RALGAPA2: variants seen among roughly 807,000 people sequenced by gnomAD.
RALGAPA2 encodes ral GTPase-activating protein subunit alpha-2.
RALGAPA2 carries 139 observed loss-of-function variants against 230.4 expected under a neutral mutation model. The ratio of observed to expected loss-of-function variants is 0.60; its 90% CI spans 0.53 to 0.69. RALGAPA2 has a LOEUF of 0.69. Ranked by LOEUF, RALGAPA2 falls within the 30% of genes least tolerant of loss-of-function variation. The pLI, the probability that RALGAPA2 is intolerant of heterozygous loss-of-function variation, is 0.00. For missense variants in RALGAPA2, 2,163 were observed against 2,276.0 expected, an observed-to-expected ratio of 0.95 and a Z score of 1.01; for synonymous variants, 847 against 837.8, an observed-to-expected ratio of 1.01 and a Z score of -0.19.
In RALGAPA2 at chr20:20,415,013, G is replaced by T. The variant is rs1418922816; in HGVS notation, c.5496-2865C>A. Among the ~76,000 whole-genome samples, 19 of 152,322 alleles carry T rather than the reference G, an allele frequency of 1.2e-4. No individual in the cohort carries two copies. The South Asian group carries it at 3.5e-3, about 28-fold the overall frequency. ...AGAAAACAAATATCCCCTTAGCTCT[G>T]GCAGCGTTTAGAAACAGCCAAGGAG... On this transcript the variant is annotated intron_variant, in intron 37 of 39. Transcript: ENST00000202677.
At chr20:20,639,273 A>C (rs2066953745) in intron 7 of RALGAPA2, among the ~76,000 whole-genome samples, 1 of 152,258 alleles carries the variant, frequency 6.6e-6, no homozygotes, top group South Asian at 2.1e-4. Context: ...GAATCAGTAC[A>C]TTTTATTCTA....
chr20:20,623,788 T>C (rs73292800), intron 10 of RALGAPA2, among the ~76,000 whole-genome samples: 1,695 of 152,370 alleles, frequency 0.011, 30 homozygotes, highest in African/African-American at 0.039. Flanking sequence ...GTCTTTTTAA[T>C]GTCTGGAAGT....
chr20:20,510,087 C>T (rs970975225), intron 33 of RALGAPA2, among the ~76,000 whole-genome samples: 1 of 152,038 alleles, frequency 6.6e-6, no homozygotes, highest in African/African-American at 2.4e-5. Context: ...CTAAAATAAA[C>T]AATAAAACCA....
intron 37 of RALGAPA2, among the ~76,000 whole-genome samples, chr20:20,420,273 A>G (rs2060250039): frequency 6.6e-6 from 1 of 152,180 alleles, no homozygotes; most frequent in Admixed American, 6.5e-5. Flanking sequence ...GCAAGGAAGC[A>G]ACATGATGTC....
At chr20:20,618,942 C>T (rs2066236828) in intron 12 of RALGAPA2, among the ~76,000 whole-genome samples, 1 of 152,096 alleles carries the variant, frequency 6.6e-6, no homozygotes, top group African/African-American at 2.4e-5. Context: ...CAAATTAGAG[C>T]CCAGATAACT....
chr20:20,630,839 C>A (rs2066649048), intron 9 of RALGAPA2, among the ~76,000 whole-genome samples: 1 of 152,018 alleles, frequency 6.6e-6, no homozygotes, highest in African/African-American at 2.4e-5. Context: ...GACACAGAGG[C>A]TAGATTAGGT....
At position 20,625,018 on chromosome 20, in the gene RALGAPA2, C is replaced by G. The variant is rs557547333; in HGVS notation, c.1233+4345G>C. 5.9e-5 allele frequency among the ~76,000 whole-genome samples: 9 copies of G among 152,334 alleles called. No individual in the cohort carries two copies. The South Asian group carries it at 1.9e-3, about 32-fold the overall frequency. ...GACGTCTGTCTGGTTCCACCTTCAC[C>G]TGTCTCTACCCATGCCTCCCTCCCT... is the stretch of plus-strand genomic sequence containing the variant. On this transcript the variant is annotated intron_variant, in intron 10 of 39. Transcript: ENST00000202677.
At chr20:20,564,763 A>G (rs2064360826) in intron 23 of RALGAPA2, among the ~76,000 whole-genome samples, 1 of 152,198 alleles carries the variant, frequency 6.6e-6, no homozygotes, top group Non-Finnish European at 1.5e-5. Flanking sequence ...AGTTCCCAGT[A>G]TCAGGCCTGC....
chr20:20,548,750 C>T (rs1315566390), intron 23 of RALGAPA2, among the ~76,000 whole-genome samples: 1 of 152,138 alleles, frequency 6.6e-6, no homozygotes, highest in Non-Finnish European at 1.5e-5. Context: ...ACAAAAGATC[C>T]ACCTTTTTCA....
At chr20:20,534,025 C>T (rs73290968) in intron 26 of RALGAPA2, among the ~76,000 whole-genome samples, 2,781 of 152,030 alleles carry the variant, frequency 0.018, 76 homozygotes, top group African/African-American at 0.064. Flanking sequence ...AAGACAAAAG[C>T]CTAGTCTTTG....
chr20:20,609,189 G>A (rs1390197633), intron 14 of RALGAPA2, among the ~76,000 whole-genome samples: 1 of 152,028 alleles, frequency 6.6e-6, no homozygotes, highest in Non-Finnish European at 1.5e-5. Context: ...GTAGAGACAG[G>A]GGTCTCACTC....
At chr20:20,629,228 T>C in intron 10 of RALGAPA2, 135 bp downstream of exon 10, 1 of 712,060 alleles carries the variant, frequency 1.4e-6, no homozygotes, top group Non-Finnish European at 2.4e-6. Flanking sequence ...ATTATTCAGT[T>C]CTGTAACATA....
chr20:20,436,061 T>C (rs1302180022), intron 37 of RALGAPA2, among the ~76,000 whole-genome samples: 1 of 152,168 alleles, frequency 6.6e-6, no homozygotes, highest in African/African-American at 2.4e-5. Flanking sequence ...TTTCATATGG[T>C]CTAACCCTAA....
chr20:20,579,668 C>T (rs1425672564), intron 20 of RALGAPA2, among the ~76,000 whole-genome samples: 4 of 152,078 alleles, frequency 2.6e-5, no homozygotes, highest in South Asian at 4.1e-4. Context: ...TTAAAAAAGA[C>T]GTTTTCTTCC....
chr20:20,591,566 A>AC (rs965327083), intron 16 of RALGAPA2, among the ~76,000 whole-genome samples: 5 of 152,188 alleles, frequency 3.3e-5, no homozygotes, highest in Admixed American at 2.6e-4. Context: ...AAAAAAAGCC[A>AC]CAATAAAAGG....
At chr20:20,554,994 T>C (rs1165233903) in intron 23 of RALGAPA2, among the ~76,000 whole-genome samples, 2 of 152,264 alleles carry the variant, frequency 1.3e-5, no homozygotes, top group Non-Finnish European at 2.9e-5. Flanking sequence ...TAAAAGTTTA[T>C]TGGCAAATTC....
chr20:20,424,285 C>T (rs918205388), intron 37 of RALGAPA2, among the ~76,000 whole-genome samples: 7 of 152,276 alleles, frequency 4.6e-5, no homozygotes, highest in East Asian at 1.9e-4. Flanking sequence ...CCCGTGACAC[C>T]GTCGCTCAAA....
chr20:20,511,132 G>A, intron 33 of RALGAPA2, 122 bp downstream of exon 33: 5 of 1,449,674 alleles, frequency 3.4e-6, no homozygotes, highest in Admixed American at 6.0e-5. Flanking sequence ...GTCACCAGAT[G>A]CTAGGTTACA....
At chr20:20,417,171 AG>A (rs1318461928) in intron 37 of RALGAPA2, among the ~76,000 whole-genome samples, 3 of 152,172 alleles carry the variant, frequency 2.0e-5, no homozygotes, top group African/African-American at 7.2e-5. Flanking sequence ...CCATCCCTTG[AG>A]TACATTAGGG....
Sources: allele counts gnomAD v4.1 joint callset (sites outside exome capture counted in the v4.1 genomes callset), GRCh38; gene constraint gnomAD v4.1.1; transcripts MANE v1.5; gene names NCBI Gene and HGNC (gene_info 2026-07-23, HGNC 2026-07-21).